The following RBFOX2 variants were observed in gnomAD, a reference collection of about 807,000 sequenced individuals.
RBFOX2 encodes RNA binding fox-1 homolog 2, also known as RNA binding protein fox-1 homolog 2.
In RBFOX2, 10 loss-of-function variants were observed where a neutral mutation model predicts 49.1. The observed-to-expected ratio is 0.20, with a 90% CI of 0.13 to 0.35. The LOEUF is 0.35. RBFOX2 is among the 10% of genes least tolerant of loss of function. The pLI is 1.00. For synonymous variants in RBFOX2, 183 were observed against 187.4 expected (o/e 0.98, Z 0.19); for missense variants, 323 against 486.9 (o/e 0.66, Z 3.17).
intron 9 of RBFOX2, among the ~76,000 whole-genome samples, chr22:35,753,399 T>G (rs536171769): frequency 6.6e-6 from 1 of 152,338 alleles, no homozygotes; most frequent in East Asian, 1.9e-4. Context: ...ACTCAGTAGT[T>G]ACCTCATAAA....
rs1227233065 is a variant in RBFOX2 at position 35,961,429 on chromosome 22, T to G, written c.42+134A>C. The G allele has an allele frequency of 3.3e-6, 3 of 911,012 alleles. No individual in the cohort carries two copies. In the African/African-American group the frequency reaches 5.2e-5, roughly 16 times the overall value. The allele number at this position is 911,012 out of a possible 1,614,324, so 56.4% of individuals were successfully genotyped here. A position where few individuals can be genotyped will look rare whatever the true frequency, so the allele number is the denominator to read the frequency against. On this transcript the variant is annotated intron_variant, in intron 1 of 5. Coordinates refer to the RBFOX2 transcript ENST00000408983. ...TCCAGATTTTTTTTTAAATCAGGCA[T>G]TAATGCAGCTCAGCACAATTCCACA...
intron 8 of RBFOX2, 69 bp downstream of exon 9, chr22:35,761,133 A>G: frequency 7.1e-7 from 1 of 1,411,466 alleles, no homozygotes; most frequent in Non-Finnish European, 9.9e-7. Context: ...ACTAGGAAAA[A>G]AAAAAACAGT....
chr22:35,887,341 C>T lies in RBFOX2; in HGVS notation c.-34+51506G>A, dbSNP rs548909248. 1.2e-4 allele frequency among the ~76,000 whole-genome samples: 18 copies of T among 152,224 alleles called. 1 individual carries two copies. The South Asian group carries it at 3.5e-3, about 30-fold the overall frequency. On this transcript the variant is annotated intron_variant, in intron 1 of 13. Transcript: ENST00000359369. ...CTACAATGGTAACTGTTCTCTATGC[C>T]TTTTCTGATCCCATCTCCTGCACTT...
At chr22:35,764,355 T>C (rs943356526) in intron 6 of RBFOX2, among the ~76,000 whole-genome samples, 9 of 151,940 alleles carry the variant, frequency 5.9e-5, no homozygotes, top group African/African-American at 7.3e-5. Flanking sequence ...GAGGCCACGG[T>C]GGGCGGATCA....
At chr22:35,867,152 A>C (rs1027387981) in intron 1 of RBFOX2, among the ~76,000 whole-genome samples, 2 of 152,338 alleles carry the variant, frequency 1.3e-5, no homozygotes, top group African/African-American at 4.8e-5. Flanking sequence ...AATGTGGCAA[A>C]ATGATAAAGA....
chr22:35,920,769 T>C (rs2050938090), intron 1 of RBFOX2, among the ~76,000 whole-genome samples: 1 of 152,216 alleles, frequency 6.6e-6, no homozygotes, highest in African/African-American at 2.4e-5. Context: ...GCTAATGGCA[T>C]GAAACGATGT....
chr22:36,028,584 C>T (rs1433591414), exon 1 of RBFOX2, among the ~76,000 whole-genome samples: 3 of 148,212 alleles, frequency 2.0e-5, no homozygotes, highest in Admixed American at 2.0e-4. Flanking sequence ...CCCCTCCGCG[C>T]CTCGCGGCCG....
intron 1 of RBFOX2, among the ~76,000 whole-genome samples, chr22:36,006,213 T>C (rs939110714): frequency 7.2e-5 from 11 of 152,242 alleles, no homozygotes; most frequent in Non-Finnish European, 1.5e-4. Flanking sequence ...AACAACATTG[T>C]TACAGCATTC....
chr22:35,800,971 G>A (rs1379463886), intron 2 of RBFOX2, among the ~76,000 whole-genome samples: 1 of 152,112 alleles, frequency 6.6e-6, no homozygotes, highest in South Asian at 2.1e-4. Flanking sequence ...TAAACTGAGT[G>A]GGAAAAGATA....
At chr22:36,002,179 A>C (rs1174676534) in intron 1 of RBFOX2, among the ~76,000 whole-genome samples, 7 of 152,202 alleles carry the variant, frequency 4.6e-5, no homozygotes, top group Non-Finnish European at 8.8e-5. Flanking sequence ...TAATAGAAAA[A>C]TGTCCCTCTG....
At chr22:35,945,712 C>T (rs988625199) in intron 1 of RBFOX2, among the ~76,000 whole-genome samples, 24 of 152,260 alleles carry the variant, frequency 1.6e-4, no homozygotes, top group African/African-American at 5.1e-4. Flanking sequence ...GCTGGGATTA[C>T]GGGAATAAGC....
intron 1 of RBFOX2, among the ~76,000 whole-genome samples, chr22:36,007,008 T>C (rs1006756984): frequency 5.9e-5 from 9 of 152,190 alleles, no homozygotes; most frequent in African/African-American, 2.2e-4. Flanking sequence ...CATGGGTGCA[T>C]GTCTAGCTAG....
chr22:35,751,849 C>T (rs904973037), intron 9 of RBFOX2, among the ~76,000 whole-genome samples: 3 of 152,142 alleles, frequency 2.0e-5, no homozygotes, highest in Non-Finnish European at 2.9e-5. Context: ...AGATGAGAGA[C>T]GATTTTCAAT....
chr22:35,741,304 T>A (rs772013361), exon 12 of RBFOX2: 1 of 152,228 alleles, frequency 6.6e-6, no homozygotes, highest in African/African-American at 2.4e-5. Context: ...TGAAAAAGAA[T>A]CATGCATGTA....
chr22:35,763,378 A>G (rs953652642), intron 6 of RBFOX2, among the ~76,000 whole-genome samples: 11 of 152,144 alleles, frequency 7.2e-5, no homozygotes, highest in African/African-American at 2.7e-4. Flanking sequence ...CCTGGCCAAC[A>G]TGGCAAAACC....
chr22:35,772,792 C>A (rs1228656765), intron 4 of RBFOX2, among the ~76,000 whole-genome samples: 1 of 151,992 alleles, frequency 6.6e-6, no homozygotes, highest in African/African-American at 2.4e-5. Flanking sequence ...CATATAGGAG[C>A]CAAGTAACTG....
At chr22:35,830,829 A>C (rs1956652550) in intron 1 of RBFOX2, among the ~76,000 whole-genome samples, 1 of 152,206 alleles carries the variant, frequency 6.6e-6, no homozygotes, top group Non-Finnish European at 1.5e-5. Flanking sequence ...AAAAGCAATA[A>C]GGTATAAAAT....
intron 2 of RBFOX2, 69 bp downstream of exon 3, chr22:35,809,709 GTA>G (rs2148130756): frequency 6.7e-7 from 1 of 1,497,020 alleles, no homozygotes; most frequent in East Asian, 2.3e-5. Flanking sequence ...TCTTCTAATT[GTA>G]TAATTAAGGC....
chr22:35,953,936 T>C (rs1180303963), intron 1 of RBFOX2, among the ~76,000 whole-genome samples: 2 of 152,150 alleles, frequency 1.3e-5, no homozygotes, highest in East Asian at 1.9e-4. Context: ...CTAAATTACA[T>C]AAATAAATAT....
Sources: gnomAD v4.1 joint callset for allele counts (sites outside exome capture counted in the v4.1 genomes callset) on GRCh38, gnomAD v4.1.1 for gene constraint, MANE v1.5 for transcripts, NCBI Gene and HGNC (gene_info 2026-07-23, HGNC 2026-07-21) for gene names.